Variants in BLMH observed in about 807,000 individuals in gnomAD.
The protein encoded by BLMH is bleomycin hydrolase, also known as BLM hydrolase.
A neutral mutation model predicts 61.6 loss-of-function variants in BLMH; 32 were observed. The ratio of observed to expected loss-of-function variants is 0.52; its 90% CI spans 0.39 to 0.70. BLMH has a LOEUF of 0.70. Among genes scored for constraint, BLMH ranks in the 30% least tolerant of loss-of-function variants. The pLI is 0.00. For missense variants in BLMH, 460 were observed against 555.5 expected (o/e 0.83, Z 1.73); for synonymous variants, 183 against 193.8 (o/e 0.94, Z 0.46).
In BLMH at chr17:30,248,908, G is replaced by T; in HGVS notation, c.*109C>A. 1 of 1,360,462 alleles carries T rather than the reference G, an allele frequency of 7.4e-7. No individual in the cohort carries two copies. Among genetic ancestry groups the T allele is most frequent in the Non-Finnish European group, 1.0e-6 (1 of 986,310 alleles). The allele number at this position is 1,360,462 out of a possible 1,614,324, so 84.3% of individuals were successfully genotyped here. A position where few individuals can be genotyped will look rare whatever the true frequency, so the allele number is the denominator to read the frequency against. Reference sequence around the variant, plus strand: ...TGGTGGAGACTGGAAATCTGACTGTGTCCTGTGGCAACACACAGTCCCTTG... The same window carrying T: ...TGGTGGAGACTGGAAATCTGACTGTTTCCTGTGGCAACACACAGTCCCTTG... On this transcript the variant is annotated 3_prime_UTR_variant, in exon 12 of 12. Transcript: ENST00000261714.
intron 7 of BLMH, 199 bp from the exon 8 acceptor site, chr17:30,273,098 CG>C (rs1908321137): frequency 8.8e-6 from 5 of 568,550 alleles, no homozygotes; most frequent in Non-Finnish European, 1.5e-5. Context: ...TTCTAATTCG[CG>C]TAAGAGACAC....
At chr17:30,249,319 G>C in intron 11 of BLMH, 151 bp from the exon 12 acceptor site, 1 of 878,954 alleles carries the variant, frequency 1.1e-6, no homozygotes, top group Non-Finnish European at 1.7e-6. Flanking sequence ...AATCTTATTA[G>C]CAATTCTGTG....
chr17:30,254,134 T>C (rs1567830625), intron 11 of BLMH, among the ~76,000 whole-genome samples: 2 of 152,248 alleles, frequency 1.3e-5, no homozygotes, highest in Admixed American at 6.5e-5. Flanking sequence ...TAAAATATAT[T>C]TTAACATATT....
intron 2 of BLMH, chr17:30,290,984 T>A (rs1908869896): frequency 7.1e-6 from 2 of 283,350 alleles, no homozygotes; most frequent in Non-Finnish European, 1.4e-5. Context: ...CATTTTCACA[T>A]GTTCTGTTTT....
At chr17:30,283,670 TACC>T (rs1261847229) in intron 6 of BLMH, among the ~76,000 whole-genome samples, 2 of 151,856 alleles carry the variant, frequency 1.3e-5, no homozygotes, top group African/African-American at 4.8e-5. Flanking sequence ...TACAGGCGCA[TACC>T]ACCACGCCCA....
At chr17:30,291,044 T>A (rs1018735175) in intron 2 of BLMH, 1 of 472,108 alleles carries the variant, frequency 2.1e-6, no homozygotes, top group African/African-American at 1.9e-5. Flanking sequence ...CCACACAGCA[T>A]TGGAACATAA....
chr17:30,273,994 A>T (rs780975834), intron 7 of BLMH, 48 bp downstream of exon 7: 3 of 1,602,318 alleles, frequency 1.9e-6, no homozygotes, highest in Non-Finnish European at 2.6e-6. Flanking sequence ...TGTGGTTAAC[A>T]GCCATTTGAA....
chr17:30,255,640 T>A (rs1417130740), intron 11 of BLMH, among the ~76,000 whole-genome samples: 1 of 152,214 alleles, frequency 6.6e-6, no homozygotes, highest in African/African-American at 2.4e-5. Flanking sequence ...GGCTCATGCC[T>A]GTAATCCCAG....
chr17:30,279,625 C>T (rs1908527480), intron 6 of BLMH, among the ~76,000 whole-genome samples: 1 of 152,014 alleles, frequency 6.6e-6, no homozygotes, highest in Non-Finnish European at 1.5e-5. Context: ...AAAGGAGCTC[C>T]ATTGTAACTG....
chr17:30,266,878 A>G lies in BLMH; in HGVS notation c.1216+7T>C. Reference sequence around the variant, plus strand: ...ACCTGGAGTTAGTATTACCAAACTGAGCTCACCTTTGTGGCCATGGTCTTC... The same window carrying G: ...ACCTGGAGTTAGTATTACCAAACTGGGCTCACCTTTGTGGCCATGGTCTTC... On this transcript the variant is annotated splice_region_variant and intron_variant, in intron 11 of 11. Transcript: ENST00000261714. The G allele has an allele frequency of 6.2e-7, 1 of 1,613,760 alleles. No homozygotes were observed. Among genetic ancestry groups the G allele is most frequent in the Non-Finnish European group, 8.5e-7 (1 of 1,179,664 alleles).
chr17:30,252,517 C>T (rs1199683919), intron 11 of BLMH, among the ~76,000 whole-genome samples: 3 of 113,282 alleles, frequency 2.6e-5, no homozygotes, highest in East Asian at 4.7e-4. Context: ...GGCAACATGG[C>T]GAAACCCCAT....
intron 11 of BLMH, among the ~76,000 whole-genome samples, chr17:30,259,942 C>A (rs75584638): frequency 3.3e-5 from 5 of 152,112 alleles, no homozygotes; most frequent in African/African-American, 1.2e-4. Context: ...GAAACTGGAA[C>A]CATGGGGCAA....
At chr17:30,262,086 CA>C (rs1373984089) in intron 11 of BLMH, among the ~76,000 whole-genome samples, 1 of 152,084 alleles carries the variant, frequency 6.6e-6, no homozygotes, top group Non-Finnish European at 1.5e-5. Flanking sequence ...CCAGGAGAGA[CA>C]AAATTTTTAA....
intron 11 of BLMH, among the ~76,000 whole-genome samples, chr17:30,256,901 C>G (rs1227926662): frequency 6.6e-6 from 1 of 152,218 alleles, no homozygotes; most frequent in Non-Finnish European, 1.5e-5. Flanking sequence ...TAGGTATCCA[C>G]TGGGTGAAGC....
At chr17:30,275,270 T>C (rs1234611805) in intron 6 of BLMH, among the ~76,000 whole-genome samples, 2 of 151,994 alleles carry the variant, frequency 1.3e-5, no homozygotes, top group Non-Finnish European at 2.9e-5. Context: ...ATTTTTTGGG[T>C]TGTGAGACAA....
At chr17:30,252,032 A>G (rs1907681788) in intron 11 of BLMH, 1 of 152,224 alleles carries the variant, frequency 6.6e-6, no homozygotes, top group Non-Finnish European at 1.5e-5. Context: ...TGCAGAAGAC[A>G]GCTGAATTCC....
At position 30,249,177 on chromosome 17, in the gene BLMH, AAGAAC is replaced by A; in HGVS notation, c.1217-14_1217-10del. ...TGTCATGCACAGGTAACCTGGAGAA[AAGAAC>A]AGAAGACTTATGAGTCCAGAGGGCA... is the stretch of plus-strand genomic sequence containing the variant. On this transcript the variant is annotated splice_polypyrimidine_tract_variant and intron_variant, in intron 11 of 11. Transcript: ENST00000261714. 1.2e-6 allele frequency: 2 copies of A among 1,614,026 alleles called. No homozygotes were observed. The highest frequency in any genetic ancestry group is 1.7e-6 in the Non-Finnish European group (2 of 1,179,904).
At chr17:30,271,204 A>G (rs1232521796) in intron 10 of BLMH, 67 bp downstream of exon 10, 2 of 1,189,744 alleles carry the variant, frequency 1.7e-6, no homozygotes, top group Non-Finnish European at 2.5e-6. Flanking sequence ...TTTGTTGGGT[A>G]AACAGTCTAC....
intron 11 of BLMH, among the ~76,000 whole-genome samples, chr17:30,262,428 A>G (rs1012315826): frequency 6.6e-6 from 1 of 152,218 alleles, no homozygotes; most frequent in Non-Finnish European, 1.5e-5. Flanking sequence ...GGTGACAGGC[A>G]TATGCAGGGT....
Sources: gnomAD v4.1 joint callset for allele counts (sites outside exome capture counted in the v4.1 genomes callset) on GRCh38, gnomAD v4.1.1 for gene constraint, MANE v1.5 for transcripts, NCBI Gene and HGNC (gene_info 2026-07-23, HGNC 2026-07-21) for gene names.